PLCH1: variants seen among roughly 807,000 people sequenced by gnomAD.
PLCH1 encodes the protein phospholipase C eta 1, also known as 1-phosphatidylinositol 4,5-bisphosphate phosphodiesterase eta-1.
Under a neutral mutation model 126.7 loss-of-function variants are expected in PLCH1, and 60 were observed. The observed-to-expected ratio is 0.47, with a 90% CI of 0.38 to 0.59. The LOEUF (loss-of-function observed/expected upper bound fraction) is 0.59, where lower values mean the gene tolerates loss of function less well. Among genes scored for constraint, PLCH1 ranks in the 20% least tolerant of loss-of-function variants. The pLI is 0.00. For synonymous variants in PLCH1, 719 were observed against 734.9 expected, an observed-to-expected ratio of 0.98 and a Z score of 0.35; for missense variants, 1,723 against 2,040.0, an observed-to-expected ratio of 0.84 and a Z score of 2.99.
intron 13 of PLCH1, among the ~76,000 whole-genome samples, chr3:155,503,471 A>G (rs1250991482): frequency 1.3e-5 from 2 of 151,300 alleles, no homozygotes; most frequent in African/African-American, 2.4e-5. Flanking sequence ...TCTATTATCA[A>G]TGGACATTTG....
chr3:155,640,297 T>C (rs549323933), intron 2 of PLCH1, among the ~76,000 whole-genome samples: 4 of 152,344 alleles, frequency 2.6e-5, no homozygotes, highest in African/African-American at 9.6e-5. Flanking sequence ...TTGTGAACCC[T>C]GGTCATCCTT....
intron 15 of PLCH1, among the ~76,000 whole-genome samples, chr3:155,494,838 T>C (rs1422772173): frequency 6.6e-6 from 1 of 151,952 alleles, no homozygotes; most frequent in Admixed American, 6.6e-5. Context: ...AAAGAACAGG[T>C]AGAAAAAATA....
At chr3:155,704,956 G>T (rs960745358) in intron 1 of PLCH1, among the ~76,000 whole-genome samples, 1 of 152,192 alleles carries the variant, frequency 6.6e-6, no homozygotes, top group East Asian at 1.9e-4. Flanking sequence ...GAAAAGCAGA[G>T]ATCTGAGTCG....
chr3:155,589,331 TA>T (rs2108621807), intron 4 of PLCH1, among the ~76,000 whole-genome samples: 1 of 152,340 alleles, frequency 6.6e-6, no homozygotes, highest in Admixed American at 6.5e-5. Context: ...TGTGTTCCAA[TA>T]AACCTTTATT....
intron 2 of PLCH1, among the ~76,000 whole-genome samples, chr3:155,627,869 G>A (rs946194425): frequency 1.3e-4 from 19 of 151,226 alleles, no homozygotes; most frequent in African/African-American, 4.6e-4. Context: ...CTGAGTTCAA[G>A]TGATTCTCTT....
intron 2 of PLCH1, among the ~76,000 whole-genome samples, chr3:155,642,905 A>G (rs934755536): frequency 6.6e-6 from 1 of 152,092 alleles, no homozygotes; most frequent in African/African-American, 2.4e-5. Context: ...GCTAGGTCAT[A>G]ATGGGCCTTG....
intron 21 of PLCH1, among the ~76,000 whole-genome samples, chr3:155,486,587 C>T (rs557323043): frequency 5.5e-5 from 8 of 146,618 alleles, no homozygotes; most frequent in African/African-American, 2.1e-4. Context: ...TGCAGTGGCG[C>T]AATCTCGGCT....
At chr3:155,636,018 G>A (rs1374342878) in intron 2 of PLCH1, among the ~76,000 whole-genome samples, 2 of 152,202 alleles carry the variant, frequency 1.3e-5, no homozygotes, top group African/African-American at 2.4e-5. Flanking sequence ...TAGGTTGACA[G>A]ATGGCTGTAG....
intron 2 of PLCH1, among the ~76,000 whole-genome samples, chr3:155,671,254 G>A (rs952849031): frequency 6.6e-6 from 1 of 152,114 alleles, no homozygotes; most frequent in Non-Finnish European, 1.5e-5. Flanking sequence ...GCACTTCACA[G>A]AGTTATGATG....
chr3:155,716,525 A>T (rs1747519654), intron 1 of PLCH1, among the ~76,000 whole-genome samples: 2 of 152,184 alleles, frequency 1.3e-5, no homozygotes, highest in African/African-American at 4.8e-5. Flanking sequence ...AGCTTTTACT[A>T]ATGGTGGAAG....
In PLCH1 at chr3:155,713,117, A is replaced by G. The variant is rs976115864; in HGVS notation, c.-40-8853T>C. ...TCCAAATCCACTGTCCCCAGTCCAG[A>G]GCAACACTCCACATCCAGCACCAGT... On this transcript the variant is annotated intron_variant, in intron 1 of 22. Transcript: ENST00000460012. Among the ~76,000 whole-genome samples, 3 of 152,044 alleles carry G rather than the reference A, an allele frequency of 2.0e-5. No individual in the cohort carries two copies. The East Asian group carries it at 5.8e-4, about 29-fold the overall frequency.
intron 21 of PLCH1, among the ~76,000 whole-genome samples, chr3:155,453,579 C>T (rs1228424349): frequency 6.6e-6 from 1 of 151,930 alleles, no homozygotes; most frequent in Non-Finnish European, 1.5e-5. Context: ...AAAATGACTA[C>T]TTATTCAATG....
chr3:155,681,695 T>C (rs1326019344), intron 2 of PLCH1, among the ~76,000 whole-genome samples: 1 of 152,228 alleles, frequency 6.6e-6, no homozygotes, highest in Admixed American at 6.5e-5. Flanking sequence ...CTATAAGTTA[T>C]ATATCAAAAT....
At chr3:155,537,223 A>C (rs1723539107) in intron 10 of PLCH1, among the ~76,000 whole-genome samples, 81 of 10,770 alleles carry the variant, frequency 7.5e-3, no homozygotes, top group Non-Finnish European at 0.056. Flanking sequence ...AAAAAAAAAA[A>C]AAAAAAAAAA....
chr3:155,693,766 C>G (rs1427991746), intron 2 of PLCH1, among the ~76,000 whole-genome samples: 2 of 151,992 alleles, frequency 1.3e-5, no homozygotes, highest in Non-Finnish European at 2.9e-5. Context: ...CCCGTCTCAA[C>G]TAAAAATACA....
intron 22 of PLCH1, among the ~76,000 whole-genome samples, chr3:155,483,904 A>C (rs767610604): frequency 5.9e-5 from 9 of 152,288 alleles, no homozygotes; most frequent in Middle Eastern, 3.4e-3. Context: ...GAGTCATGAT[A>C]TATAAGAAAA....
chr3:155,472,231 A>T (rs1401819421), intron 21 of PLCH1, among the ~76,000 whole-genome samples: 44 of 149,652 alleles, frequency 2.9e-4, no homozygotes, highest in South Asian at 6.4e-4. Context: ...CACAATAAAA[A>T]ATGATAAAGG....
chr3:155,506,182 T>G (rs1718655101), intron 12 of PLCH1, among the ~76,000 whole-genome samples: 2 of 152,070 alleles, frequency 1.3e-5, no homozygotes, highest in Admixed American at 6.6e-5. Flanking sequence ...TAAGTATAAT[T>G]AAATTCCAAT....
At chr3:155,472,482 C>T (rs1280811198) in intron 21 of PLCH1, among the ~76,000 whole-genome samples, 2 of 151,528 alleles carry the variant, frequency 1.3e-5, no homozygotes, top group Non-Finnish European at 3.0e-5. Context: ...GATTCACAGC[C>T]GAATTCTACC....
Sources: allele counts gnomAD v4.1 joint callset (sites outside exome capture counted in the v4.1 genomes callset), GRCh38; gene constraint gnomAD v4.1.1; transcripts MANE v1.5; gene names NCBI Gene and HGNC (gene_info 2026-07-23, HGNC 2026-07-21).